RAPGEF1: variants seen among roughly 807,000 people sequenced by gnomAD.
RAPGEF1 encodes CRK SH3-binding GNRP.
Under a neutral mutation model 143.3 loss-of-function variants are expected in RAPGEF1, and 33 were observed. The observed-to-expected ratio is 0.23, with a 90% CI of 0.17 to 0.31. The LOEUF (loss-of-function observed/expected upper bound fraction) is 0.31, where lower values mean the gene tolerates loss of function less well. Ranked by LOEUF, RAPGEF1 falls within the 10% of genes least tolerant of loss-of-function variation. The pLI, the probability that RAPGEF1 is intolerant of heterozygous loss-of-function variation, is 1.00. For missense variants in RAPGEF1, 1,199 were observed against 1,645.4 expected, an observed-to-expected ratio of 0.73 and a Z score of 4.69; for synonymous variants, 629 against 676.5, an observed-to-expected ratio of 0.93 and a Z score of 1.09.
chr9:131,700,832 G>A (rs1834584431), intron 1 of RAPGEF1, among the ~76,000 whole-genome samples: 1 of 152,188 alleles, frequency 6.6e-6, no homozygotes, highest in Non-Finnish European at 1.5e-5. Flanking sequence ...AGTCAAACAG[G>A]AGGCTGCTTG....
intron 1 of RAPGEF1, among the ~76,000 whole-genome samples, chr9:131,677,845 T>C (rs1376975108): frequency 6.6e-6 from 1 of 152,212 alleles, no homozygotes; most frequent in Non-Finnish European, 1.5e-5. Context: ...ACACGAGTCT[T>C]GGTCTGCATC....
intron 1 of RAPGEF1, among the ~76,000 whole-genome samples, chr9:131,659,510 C>T (rs543410907): frequency 2.7e-5 from 4 of 147,762 alleles, no homozygotes; most frequent in Middle Eastern, 3.5e-3. Context: ...TGAGCCATCA[C>T]GCCAGGCCTG....
Position 131,579,467 on chromosome 9 carries a change from G to C in RAPGEF1, c.*30C>G, listed in dbSNP as rs747159156. 6.2e-7 allele frequency: 1 copy of C among 1,610,358 alleles called. No individual in the cohort carries two copies. The highest frequency in any genetic ancestry group is 8.5e-7 in the Non-Finnish European group (1 of 1,177,770). On this transcript the variant is annotated 3_prime_UTR_variant, in exon 27 of 27. Coordinates refer to ENST00000683357, the MANE Select transcript of RAPGEF1 (RefSeq NM_001377935.1). ...CTGGGAGCTGCCCTCTGCGCCCCTC[G>C]AGCATTCTCCTGGATCCCGGCGTCT...
intron 1 of RAPGEF1, among the ~76,000 whole-genome samples, chr9:131,674,924 G>T (rs752089): frequency 0.018 from 2,800 of 152,174 alleles, 70 homozygotes; most frequent in African/African-American, 0.05. Flanking sequence ...TCTGGAGAGA[G>T]GGGTGGGGGT....
chr9:131,717,422 C>T (rs1393196831), intron 1 of RAPGEF1, among the ~76,000 whole-genome samples: 1 of 152,174 alleles, frequency 6.6e-6, no homozygotes, highest in Non-Finnish European at 1.5e-5. Flanking sequence ...CCATTCTGGG[C>T]TCTGGTGAAA....
At chr9:131,593,240 G>A (rs938417396) in intron 17 of RAPGEF1, among the ~76,000 whole-genome samples, 1 of 152,186 alleles carries the variant, frequency 6.6e-6, no homozygotes, top group Non-Finnish European at 1.5e-5. Flanking sequence ...GAGGGGGCTG[G>A]TACCAGTCAG....
chr9:131,635,095 G>A (rs1230505347), intron 5 of RAPGEF1, among the ~76,000 whole-genome samples: 3 of 152,124 alleles, frequency 2.0e-5, no homozygotes, highest in African/African-American at 7.2e-5. Context: ...AAGACTACCT[G>A]GAAAAGAGCC....
chr9:131,614,148 C>CCG (rs1554821386), intron 12 of RAPGEF1, among the ~76,000 whole-genome samples: 9 of 152,102 alleles, frequency 5.9e-5, no homozygotes, highest in African/African-American at 2.2e-4. Flanking sequence ...ACACCCCCCC[C>CCG]CAAGGAGGGG....
At chr9:131,707,308 T>C (rs1482095147) in intron 1 of RAPGEF1, among the ~76,000 whole-genome samples, 2 of 152,214 alleles carry the variant, frequency 1.3e-5, no homozygotes, top group African/African-American at 4.8e-5. Flanking sequence ...TGTGTAAAAA[T>C]ACATGAAAGA....
chr9:131,594,049 G>A (rs1374382056), intron 17 of RAPGEF1, among the ~76,000 whole-genome samples: 1 of 152,218 alleles, frequency 6.6e-6, no homozygotes, highest in African/African-American at 2.4e-5. Flanking sequence ...GAGAGAGGAG[G>A]AGCCCAGGCA....
chr9:131,701,993 T>C (rs925427517), intron 1 of RAPGEF1, among the ~76,000 whole-genome samples: 4 of 152,226 alleles, frequency 2.6e-5, no homozygotes, highest in Non-Finnish European at 4.4e-5. Context: ...ACCAATGGCC[T>C]TGTCCGTTCT....
In RAPGEF1 at chr9:131,627,906, G is replaced by A. The variant is rs756030483; in HGVS notation, c.1201+7C>T. 33 of 1,574,760 alleles carry A rather than the reference G, an allele frequency of 2.1e-5. No homozygotes were observed. The highest frequency in any genetic ancestry group is 2.3e-5 in the Non-Finnish European group (27 of 1,160,970). ...CACGATGGAACAGGAGGATGGTGGCGGCTCACCTAGTGTTTCACAGCTTGT... is the reference window on the plus strand; with the variant it reads ...CACGATGGAACAGGAGGATGGTGGCAGCTCACCTAGTGTTTCACAGCTTGT... On this transcript the variant is annotated splice_region_variant and intron_variant, in intron 9 of 26. Transcript: ENST00000683357.
chr9:131,650,068 T>A lies in RAPGEF1; in HGVS notation c.315+61A>T. ...AGAGTTTTTTCCATCCCCAAAACCATGGACCAGGATTCTGCAGTAGAAGGC... is the reference window on the plus strand; with the variant it reads ...AGAGTTTTTTCCATCCCCAAAACCAAGGACCAGGATTCTGCAGTAGAAGGC... On this transcript the variant is annotated intron_variant, in intron 3 of 26. Coordinates refer to ENST00000683357, the MANE Select transcript of RAPGEF1 (RefSeq NM_001377935.1). The surrounding 1 kb of genome is among the most constrained non-coding windows in gnomAD (Gnocchi z 4.7). 7.3e-7 allele frequency: 1 copy of A among 1,372,772 alleles called. No homozygotes were observed. Among genetic ancestry groups the A allele is most frequent in the Non-Finnish European group, 1.0e-6 (1 of 984,810 alleles). 85.0% of individuals were successfully genotyped at this position (1,372,772 alleles called of 1,614,324 possible).
At chr9:131,682,290 T>C (rs1832977320) in intron 1 of RAPGEF1, among the ~76,000 whole-genome samples, 1 of 152,230 alleles carries the variant, frequency 6.6e-6, no homozygotes. Context: ...CTAAGTTTGA[T>C]ATAGAAGGGA....
Position 131,626,233 on chromosome 9 carries a change from C to T in RAPGEF1, c.1391G>A (p.Gly464Glu). The T allele has an allele frequency of 6.2e-7, 1 of 1,613,878 alleles. No homozygotes were observed. Among genetic ancestry groups the T allele is most frequent in the Admixed American group, 1.7e-5 (1 of 60,020 alleles). Residue 464 changes from glycine to glutamate, a missense_variant, in exon 10 of 27, where the codon GGG (glycine) becomes GAG (glutamate). This residue lies in a region of RAPGEF1 where 613 missense variants were observed against 710.9 expected (regional missense o/e 0.86). Coordinates refer to ENST00000683357, the MANE Select transcript of RAPGEF1 (RefSeq NM_001377935.1). ...AGCAGGTGGCGTATCTGTCTGCTGCCCTGGGGCCAGAGGTCCGTCTGGCTG... is the reference window on the plus strand; with the variant it reads ...AGCAGGTGGCGTATCTGTCTGCTGCTCTGGGGCCAGAGGTCCGTCTGGCTG... ...HPQPDGPLAP[G>E]QQTDTPPALP... is the part of the protein sequence containing the mutation.
In RAPGEF1 at chr9:131,660,440, C is replaced by T. The variant is rs369761014; in HGVS notation, c.62-9491G>A. On this transcript the variant is annotated intron_variant, in intron 1 of 26. Coordinates refer to ENST00000683357, the MANE Select transcript of RAPGEF1 (RefSeq NM_001377935.1). ...CACACACAGCAGAAATATTTTTTCACTTTTTTTTTTTTTAAACAACAAGCC... is the reference window on the plus strand; with the variant it reads ...CACACACAGCAGAAATATTTTTTCATTTTTTTTTTTTTTAAACAACAAGCC... Among the ~76,000 whole-genome samples, 5 of 148,858 alleles carry T rather than the reference C, an allele frequency of 3.4e-5. No homozygotes were observed. The East Asian group carries it at 7.8e-4, about 23-fold the overall frequency.
chr9:131,619,331 G>A (rs1564540903), intron 11 of RAPGEF1, 125 bp from the exon 12 acceptor site: 1 of 867,288 alleles, frequency 1.2e-6, no homozygotes, highest in Non-Finnish European at 1.6e-6. Context: ...GTTCTGGAGA[G>A]GGATGGCTTC....
At chr9:131,670,010 G>A (rs1278619422) in intron 1 of RAPGEF1, among the ~76,000 whole-genome samples, 2 of 152,108 alleles carry the variant, frequency 1.3e-5, no homozygotes, top group Admixed American at 1.3e-4. Flanking sequence ...CAGCACCACC[G>A]CAGGCACTCA....
rs1260796039 is a variant in RAPGEF1 at position 131,587,103 on chromosome 9, C to T, written c.3233+633G>A. 3.3e-4 allele frequency among the ~76,000 whole-genome samples: 41 copies of T among 123,136 alleles called. 1 individual carries two copies. The highest frequency in any genetic ancestry group is 1.3e-3 in the African/African-American group (39 of 29,416). 80.8% of individuals were successfully genotyped at this position (123,136 alleles called of 152,430 possible). ...ACACACCTGCAGAGCGAGACTCCGTCTTACACACACACCTGCAGAGCGAGA... is the reference window on the plus strand; with the variant it reads ...ACACACCTGCAGAGCGAGACTCCGTTTTACACACACACCTGCAGAGCGAGA... On this transcript the variant is annotated intron_variant, in intron 22 of 26. Transcript: ENST00000683357.
Sources: allele counts gnomAD v4.1 joint callset (sites outside exome capture counted in the v4.1 genomes callset), GRCh38; gene constraint gnomAD v4.1.1; regional missense constraint gnomAD v4.1.1; non-coding constraint Gnocchi (gnomAD v3.1); transcripts MANE v1.5; gene names NCBI Gene and HGNC (gene_info 2026-07-23, HGNC 2026-07-21).